ARB2A: variants seen among roughly 807,000 people sequenced by gnomAD.
ARB2A encodes the protein ARB2 cotranscriptional regulator A.
the ARB2A span, among the ~76,000 whole-genome samples, chr5:94,053,771 T>A: frequency 6.6e-6 from 1 of 151,486 alleles, no homozygotes; most frequent in African/African-American, 2.5e-5. Flanking sequence ...TTTTTCTTTT[T>A]CTTTTTTCTT....
the ARB2A span, among the ~76,000 whole-genome samples, chr5:93,867,147 T>C: frequency 6.6e-6 from 1 of 152,170 alleles, no homozygotes; most frequent in African/African-American, 2.4e-5. Context: ...TGGTTCAAAG[T>C]CTGTGTTTTA....
the ARB2A span, among the ~76,000 whole-genome samples, chr5:93,987,684 C>G: frequency 6.6e-6 from 1 of 152,158 alleles, no homozygotes; most frequent in African/African-American, 2.4e-5. Flanking sequence ...CTCTATATCC[C>G]CAGCTGTCCT....
At chr5:94,070,669 T>C in the ARB2A span, among the ~76,000 whole-genome samples, 1 of 152,006 alleles carries the variant, frequency 6.6e-6, no homozygotes, top group Non-Finnish European at 1.5e-5. Flanking sequence ...ACTGGGAATG[T>C]TTACTAATCA....
the ARB2A span, among the ~76,000 whole-genome samples, chr5:93,877,867 ACAGGGTAGAGTAACCCCAG>A: frequency 2.0e-5 from 3 of 152,202 alleles, no homozygotes; most frequent in Non-Finnish European, 2.9e-5. Context: ...CAAAGTTTGT[ACAGGGTAGAGTAACCCCAG>A]CAGCCTGGCT....
the ARB2A span, among the ~76,000 whole-genome samples, chr5:94,071,003 T>C: frequency 7.9e-5 from 12 of 152,186 alleles, no homozygotes; most frequent in East Asian, 7.7e-4. Flanking sequence ...AAAGTTACTG[T>C]AGACGTACCA....
At chr5:94,055,584 G>C in the ARB2A span, 2 of 976,142 alleles carry the variant, frequency 2.0e-6, no homozygotes. Context: ...ACTCTAGTAA[G>C]ACAAAAATGT....
chr5:94,037,563 C>T, the ARB2A span, among the ~76,000 whole-genome samples: 10 of 152,206 alleles, frequency 6.6e-5, no homozygotes, highest in Admixed American at 6.5e-4. Flanking sequence ...CGCATCTACC[C>T]ACATTATTCT....
At chr5:94,107,043 T>C in the ARB2A span, among the ~76,000 whole-genome samples, 94 of 152,158 alleles carry the variant, frequency 6.2e-4, no homozygotes, top group Non-Finnish European at 5.1e-4. Flanking sequence ...ACTGCACATG[T>C]ACCCCCTGAA....
At chr5:93,888,179 A>G in the ARB2A span, among the ~76,000 whole-genome samples, 1 of 151,876 alleles carries the variant, frequency 6.6e-6, no homozygotes, top group African/African-American at 2.4e-5. Flanking sequence ...CAATTTACTT[A>G]TGGAAAGATT....
the ARB2A span, among the ~76,000 whole-genome samples, chr5:93,789,636 A>G: frequency 2.4e-3 from 370 of 152,266 alleles, 2 homozygotes; most frequent in Non-Finnish European, 3.9e-3. Context: ...TCTCCATTTC[A>G]TGGTACTCTG....
chr5:93,807,291 A>T, the ARB2A span, among the ~76,000 whole-genome samples: 1 of 151,928 alleles, frequency 6.6e-6, no homozygotes, highest in Admixed American at 6.6e-5. Context: ...TCAATTTCCC[A>T]CAGATTTGGT....
chr5:94,016,815 C>A, the ARB2A span, among the ~76,000 whole-genome samples: 1 of 152,088 alleles, frequency 6.6e-6, no homozygotes, highest in Non-Finnish European at 1.5e-5. Context: ...TAAAATAATT[C>A]ACAAGTCAGG....
At chr5:93,825,589 C>T in the ARB2A span, among the ~76,000 whole-genome samples, 1 of 152,106 alleles carries the variant, frequency 6.6e-6, no homozygotes, top group Non-Finnish European at 1.5e-5. Flanking sequence ...TTCTTAGTGC[C>T]TTGAATGAGA....
chr5:93,750,433 T>G, the ARB2A span, among the ~76,000 whole-genome samples: 1 of 152,212 alleles, frequency 6.6e-6, no homozygotes, highest in African/African-American at 2.4e-5. Context: ...ACTGTAATAT[T>G]CAAACTGAGT....
At chr5:93,722,584 A>C in the ARB2A span, among the ~76,000 whole-genome samples, 28,176 of 152,080 alleles carry the variant, frequency 0.19, 3,003 homozygotes, top group Middle Eastern at 0.28. Flanking sequence ...CAGGAACAAC[A>C]TTACATATAT....
At chr5:93,725,834 G>A in the ARB2A span, among the ~76,000 whole-genome samples, 4 of 152,176 alleles carry the variant, frequency 2.6e-5, no homozygotes, top group Non-Finnish European at 5.9e-5. Context: ...CTAAGTCTCC[G>A]TATGCTTACA....
At chr5:93,983,434 T>A in the ARB2A span, among the ~76,000 whole-genome samples, 2 of 152,126 alleles carry the variant, frequency 1.3e-5, no homozygotes, top group Admixed American at 6.5e-5. Context: ...TCTGGGATAA[T>A]TTAGGCATCA....
chr5:93,857,495 G>A, the ARB2A span, among the ~76,000 whole-genome samples: 1 of 152,210 alleles, frequency 6.6e-6, no homozygotes, highest in South Asian at 2.1e-4. Flanking sequence ...AATGGTGGGC[G>A]CCCCTCCCCG....
At chr5:93,893,259 G>A in the ARB2A span, among the ~76,000 whole-genome samples, 1 of 152,220 alleles carries the variant, frequency 6.6e-6, no homozygotes, top group Non-Finnish European at 1.5e-5. Context: ...ACTCAATGGG[G>A]AGCGGCCTCC....
Sources: allele counts gnomAD v4.1 joint callset (sites outside exome capture counted in the v4.1 genomes callset), GRCh38; gene constraint gnomAD v4.1.1; transcripts MANE v1.5; gene names NCBI Gene and HGNC (gene_info 2026-07-23, HGNC 2026-07-21).